Variants in PBX3 observed in about 807,000 individuals in gnomAD.
The protein encoded by PBX3 is pre-B-cell leukemia transcription factor 3.
A neutral mutation model predicts 48.5 loss-of-function variants in PBX3; 14 were observed. The observed-to-expected ratio is 0.29, with a 90% CI of 0.19 to 0.45. PBX3 has a LOEUF of 0.45. Among genes scored for constraint, PBX3 ranks in the 20% least tolerant of loss-of-function variants. The pLI is 1.00. For synonymous variants in PBX3, 210 were observed against 200.3 expected (o/e 1.05, Z -0.41); for missense variants, 386 against 546.7 (o/e 0.71, Z 2.93).
At chr9:125,870,325 T>C (rs1840090543) in intron 2 of PBX3, among the ~76,000 whole-genome samples, 1 of 152,088 alleles carries the variant, frequency 6.6e-6, no homozygotes, top group East Asian at 1.9e-4. Flanking sequence ...CGCCTTGGCC[T>C]CCCAAAGTGC....
chr9:125,827,075 T>A (rs1031986077), intron 2 of PBX3, among the ~76,000 whole-genome samples: 1 of 152,178 alleles, frequency 6.6e-6, no homozygotes, highest in Non-Finnish European at 1.5e-5. Context: ...CACTCTATTC[T>A]CTACCTCTGT....
intron 2 of PBX3, among the ~76,000 whole-genome samples, chr9:125,836,423 C>T (rs541555570): frequency 7.3e-5 from 11 of 151,506 alleles, no homozygotes; most frequent in Non-Finnish European, 1.0e-4. Context: ...CCAGCCTGGG[C>T]GACAGAGCGA....
At position 125,826,481 on chromosome 9, in the gene PBX3, G is replaced by A. The variant is rs1002297403; in HGVS notation, c.274+77858G>A. Among the ~76,000 whole-genome samples, 3 of 152,008 alleles carry A rather than the reference G, an allele frequency of 2.0e-5. No homozygotes were observed. In the South Asian group the frequency reaches 6.2e-4, roughly 31 times the overall value. On this transcript the variant is annotated intron_variant, in intron 2 of 8. Transcript: ENST00000373489. Reference sequence around the variant, plus strand: ...TGGTGATTATGGGATTTTTTCCTTTGAAAATATATCTAATGAATACATAAG... The same window carrying A: ...TGGTGATTATGGGATTTTTTCCTTTAAAAATATATCTAATGAATACATAAG...
At chr9:125,803,420 T>TA (rs541416205) in intron 2 of PBX3, among the ~76,000 whole-genome samples, 48 of 148,638 alleles carry the variant, frequency 3.2e-4, no homozygotes, top group African/African-American at 8.4e-4. Context: ...AAAGTAAAAG[T>TA]AAAAAAAAAA....
At chr9:125,789,518 T>C (rs1270713096) in intron 2 of PBX3, among the ~76,000 whole-genome samples, 15 of 152,184 alleles carry the variant, frequency 9.9e-5, no homozygotes, top group Admixed American at 9.8e-4. Context: ...TTAGGGCAGC[T>C]TACAGCATGG....
intron 2 of PBX3, among the ~76,000 whole-genome samples, chr9:125,899,454 T>TAGAGAG (rs202004098): frequency 1.6e-4 from 17 of 103,754 alleles, no homozygotes; most frequent in African/African-American, 3.1e-4. Context: ...TATATATATA[T>TAGAGAG]AGAGAGAGAG....
At chr9:125,878,073 T>G (rs990307381) in intron 2 of PBX3, among the ~76,000 whole-genome samples, 7 of 152,262 alleles carry the variant, frequency 4.6e-5, no homozygotes, top group African/African-American at 1.7e-4. Context: ...TAGTACTCTT[T>G]ACTGATTTTG....
At chr9:125,851,747 T>C (rs1231064486) in intron 2 of PBX3, among the ~76,000 whole-genome samples, 1 of 152,100 alleles carries the variant, frequency 6.6e-6, no homozygotes, top group Non-Finnish European at 1.5e-5. Flanking sequence ...AGAACTTTTA[T>C]TATACTATGA....
At chr9:125,888,159 T>C (rs1343262355) in intron 2 of PBX3, among the ~76,000 whole-genome samples, 3 of 152,140 alleles carry the variant, frequency 2.0e-5, no homozygotes, top group Non-Finnish European at 4.4e-5. Context: ...ATGTGGGTTA[T>C]TCATTTTTAA....
At chr9:125,792,998 G>T (rs560447468) in intron 2 of PBX3, among the ~76,000 whole-genome samples, 3 of 151,696 alleles carry the variant, frequency 2.0e-5, no homozygotes, top group Admixed American at 2.0e-4. Context: ...GCGCCCGGCC[G>T]AGGTATACTT....
chr9:125,902,366 G>A lies in PBX3; in HGVS notation c.275-13320G>A, dbSNP rs927783151. Reference sequence around the variant, plus strand: ...TCGCATTATTGTTTCCTTTGGGATCGTAGACAATGACTCTGTAGTGTGATT... The same window carrying A: ...TCGCATTATTGTTTCCTTTGGGATCATAGACAATGACTCTGTAGTGTGATT... On this transcript the variant is annotated intron_variant, in intron 2 of 8. Transcript: ENST00000373489. Among the ~76,000 whole-genome samples the A allele has an allele frequency of 4.6e-5, 7 of 151,750 alleles. No homozygotes were observed. In the South Asian group the frequency reaches 6.2e-4, roughly 13 times the overall value.
At chr9:125,786,544 T>G (rs976423920) in intron 2 of PBX3, among the ~76,000 whole-genome samples, 6 of 152,078 alleles carry the variant, frequency 3.9e-5, no homozygotes, top group Admixed American at 1.3e-4. Flanking sequence ...AGCATTAGGT[T>G]TGGAGTTGTG....
intron 2 of PBX3, among the ~76,000 whole-genome samples, chr9:125,895,050 A>C (rs1840738251): frequency 6.6e-6 from 1 of 152,172 alleles, no homozygotes; most frequent in South Asian, 2.1e-4. Flanking sequence ...TCCTCAAAAA[A>C]GTCACTGGGT....
chr9:125,842,007 CATTT>C (rs138088719), intron 2 of PBX3, among the ~76,000 whole-genome samples: 3,029 of 152,120 alleles, frequency 0.02, 164 homozygotes, highest in East Asian at 0.17. Flanking sequence ...TTTTATGAGA[CATTT>C]ATAATTCAGA....
chr9:125,844,548 G>A (rs890224105), intron 2 of PBX3: 1 of 152,088 alleles, frequency 6.6e-6, no homozygotes, highest in Non-Finnish European at 1.5e-5. Context: ...CATAATGGAA[G>A]TAATCATTTT....
At chr9:125,887,182 T>C (rs1456495871) in intron 2 of PBX3, among the ~76,000 whole-genome samples, 1 of 152,186 alleles carries the variant, frequency 6.6e-6, no homozygotes. Context: ...CAACTAATTC[T>C]TTATAATATA....
chr9:125,823,701 G>A (rs1302855429), intron 2 of PBX3, among the ~76,000 whole-genome samples: 1 of 152,076 alleles, frequency 6.6e-6, no homozygotes, highest in Non-Finnish European at 1.5e-5. Context: ...GGGTTTAGAA[G>A]ACAGAAAAGA....
chr9:125,835,647 T>A (rs1204532301), intron 2 of PBX3, among the ~76,000 whole-genome samples: 1 of 152,104 alleles, frequency 6.6e-6, no homozygotes, highest in African/African-American at 2.4e-5. Context: ...GAAATGCAAA[T>A]CAAACCCACA....
chr9:125,938,997 A>G (rs1026018367), intron 5 of PBX3, among the ~76,000 whole-genome samples: 14 of 148,714 alleles, frequency 9.4e-5, no homozygotes, highest in African/African-American at 3.5e-4. Context: ...GTGTGTGTGT[A>G]TATAAACACA....
Sources: allele counts gnomAD v4.1 joint callset (sites outside exome capture counted in the v4.1 genomes callset), GRCh38; gene constraint gnomAD v4.1.1; transcripts MANE v1.5; gene names NCBI Gene and HGNC (gene_info 2026-07-23, HGNC 2026-07-21).